The following SKAP2 variants were observed in gnomAD, a reference collection of about 807,000 sequenced individuals.
SKAP2 encodes src kinase-associated phosphoprotein 2.
A neutral mutation model predicts 54.9 loss-of-function variants in SKAP2; 28 were observed. That is an observed-to-expected ratio of 0.51 (90% CI 0.38 to 0.70). The LOEUF (loss-of-function observed/expected upper bound fraction) is 0.70. Ranked by LOEUF, SKAP2 falls within the 30% of genes least tolerant of loss-of-function variation. The pLI, the probability that SKAP2 is intolerant of heterozygous loss-of-function variation, is 0.00. For missense variants in SKAP2, 356 were observed against 424.1 expected, an observed-to-expected ratio of 0.84 and a Z score of 1.41; for synonymous variants, 137 against 134.3, an observed-to-expected ratio of 1.02 and a Z score of -0.14.
intron 9 of SKAP2, among the ~76,000 whole-genome samples, chr7:26,708,249 G>A (rs1013811514): frequency 4.6e-5 from 7 of 152,176 alleles, no homozygotes; most frequent in African/African-American, 1.7e-4. Flanking sequence ...CTTTCACTGG[G>A]TGAAGGATTG....
chr7:26,710,550 G>A (rs762431426), intron 9 of SKAP2, among the ~76,000 whole-genome samples: 5 of 152,122 alleles, frequency 3.3e-5, no homozygotes, highest in Non-Finnish European at 7.4e-5. Flanking sequence ...ATGTGAGGTT[G>A]GAAATGTATG....
At chr7:26,838,725 AT>A (rs1044265788) in intron 4 of SKAP2, among the ~76,000 whole-genome samples, 1 of 152,224 alleles carries the variant, frequency 6.6e-6, no homozygotes, top group Non-Finnish European at 1.5e-5. Context: ...CATATGGCTG[AT>A]TCAGCCAATA....
chr7:26,739,016 A>T lies in SKAP2; in HGVS notation c.386-138T>A, dbSNP rs1782370501. On this transcript the variant is annotated intron_variant, in intron 5 of 12. Transcript: ENST00000345317. ...CTTCTTTTCCAAGAGACAAAAAACC[A>T]AACAACAACAAACCAACACAGCTAA... The T allele has an allele frequency of 4.7e-6, 3 of 639,996 alleles. No individual in the cohort carries two copies. In the South Asian group the frequency reaches 5.7e-5, roughly 12 times the overall value. 39.6% of individuals were successfully genotyped at this position (639,996 alleles called of 1,614,324 possible).
At chr7:26,841,188 G>A (rs1784809751) in intron 4 of SKAP2, among the ~76,000 whole-genome samples, 2 of 152,122 alleles carry the variant, frequency 1.3e-5, no homozygotes, top group East Asian at 1.9e-4. Flanking sequence ...GGCTACTCTA[G>A]TCTCTCATTG....
intron 4 of SKAP2, among the ~76,000 whole-genome samples, chr7:26,825,745 T>TA (rs1429155455): frequency 1.3e-5 from 2 of 152,194 alleles, no homozygotes; most frequent in Non-Finnish European, 2.9e-5. Flanking sequence ...CTTCTCTCTA[T>TA]AAATCAATTC....
chr7:26,710,281 C>T (rs1033467740), intron 9 of SKAP2, among the ~76,000 whole-genome samples: 6 of 152,100 alleles, frequency 3.9e-5, no homozygotes, highest in Admixed American at 3.9e-4. Context: ...TGCTTGTTTG[C>T]CAAATAATCA....
intron 4 of SKAP2, among the ~76,000 whole-genome samples, chr7:26,828,842 C>A (rs1006164388): frequency 3.3e-5 from 5 of 151,628 alleles, no homozygotes; most frequent in African/African-American, 9.7e-5. Flanking sequence ...GCCTGGCCAA[C>A]ATGATGAAAC....
intron 9 of SKAP2, among the ~76,000 whole-genome samples, chr7:26,715,782 C>A (rs1463458077): frequency 3.3e-5 from 5 of 151,950 alleles, no homozygotes; most frequent in Non-Finnish European, 7.4e-5. Flanking sequence ...TCTGTTCCCT[C>A]CCCCAAAAAA....
chr7:26,809,120 A>C (rs1374786857), intron 4 of SKAP2, among the ~76,000 whole-genome samples: 1 of 152,182 alleles, frequency 6.6e-6, no homozygotes, highest in Non-Finnish European at 1.5e-5. Flanking sequence ...AAACTCAATA[A>C]AAAAGTGGTC....
intron 4 of SKAP2, among the ~76,000 whole-genome samples, chr7:26,775,045 T>C (rs1783273334): frequency 6.6e-6 from 1 of 152,318 alleles, no homozygotes; most frequent in African/African-American, 2.4e-5. Flanking sequence ...TAATCTGCAA[T>C]TATTAGGGTC....
intron 4 of SKAP2, among the ~76,000 whole-genome samples, chr7:26,795,735 G>C: frequency 6.6e-6 from 1 of 152,176 alleles, no homozygotes; most frequent in Non-Finnish European, 1.5e-5. Context: ...AGTACTGTTT[G>C]AGAAACTTAG....
At chr7:26,672,421 G>A (rs1052504862) in intron 11 of SKAP2, among the ~76,000 whole-genome samples, 3 of 151,916 alleles carry the variant, frequency 2.0e-5, no homozygotes, top group African/African-American at 7.2e-5. Context: ...GCAGGGAGGA[G>A]CTTAATCAAC....
At chr7:26,690,605 A>G (rs919532949) in intron 9 of SKAP2, among the ~76,000 whole-genome samples, 5 of 152,212 alleles carry the variant, frequency 3.3e-5, no homozygotes, top group Non-Finnish European at 7.3e-5. Flanking sequence ...CAACTTTCCA[A>G]TAAAATACTA....
intron 6 of SKAP2, among the ~76,000 whole-genome samples, chr7:26,727,752 G>A (rs576337607): frequency 2.0e-5 from 3 of 152,150 alleles, no homozygotes; most frequent in South Asian, 2.1e-4. Flanking sequence ...AGTAAAGTGC[G>A]AATATAACAA....
rs573941326 is a variant in SKAP2, at chr7:26,733,622, T to C, written c.469+5173A>G. Among the ~76,000 whole-genome samples the C allele has an allele frequency of 5.9e-5, 9 of 152,254 alleles. No individual in the cohort carries two copies. In the South Asian group the frequency reaches 1.7e-3, roughly 28 times the overall value. On this transcript the variant is annotated intron_variant, in intron 6 of 12. Coordinates refer to ENST00000345317, the MANE Select transcript of SKAP2 (RefSeq NM_003930.5). ...ACATATATGTCCTCTTTTTTTCCTA[T>C]CAACGGTGAAGTTGTGGAGAAGGGG... is the stretch of plus-strand genomic sequence containing the variant.
intron 4 of SKAP2, among the ~76,000 whole-genome samples, chr7:26,834,817 AAG>A (rs1214107045): frequency 6.6e-6 from 1 of 152,222 alleles, no homozygotes; most frequent in African/African-American, 2.4e-5. Flanking sequence ...ACAACAGAAA[AAG>A]AGGGACTCCT....
At chr7:26,828,076 A>G (rs1223295634) in intron 4 of SKAP2, among the ~76,000 whole-genome samples, 1 of 152,238 alleles carries the variant, frequency 6.6e-6, no homozygotes, top group South Asian at 2.1e-4. Context: ...TTCTAAGACC[A>G]TGATCACAGC....
At chr7:26,785,858 G>T (rs1783532763) in intron 4 of SKAP2, among the ~76,000 whole-genome samples, 1 of 152,150 alleles carries the variant, frequency 6.6e-6, no homozygotes, top group African/African-American at 2.4e-5. Flanking sequence ...ATACACAGCA[G>T]TAATATGCTC....
chr7:26,745,945 G>A (rs1782551731), intron 4 of SKAP2, among the ~76,000 whole-genome samples: 1 of 152,116 alleles, frequency 6.6e-6, no homozygotes, highest in African/African-American at 2.4e-5. Flanking sequence ...CTATCCACTA[G>A]TGGTTATTTT....
Sources: gnomAD v4.1 joint callset for allele counts (sites outside exome capture counted in the v4.1 genomes callset) on GRCh38, gnomAD v4.1.1 for gene constraint, MANE v1.5 for transcripts, NCBI Gene and HGNC (gene_info 2026-07-23, HGNC 2026-07-21) for gene names.